INO80D: variants seen among roughly 807,000 people sequenced by gnomAD.
INO80D encodes INO80 complex subunit D.
Under a neutral mutation model 87.6 loss-of-function variants are expected in INO80D, and 21 were observed. That is an observed-to-expected ratio of 0.24 (90% confidence interval 0.17 to 0.35). The LOEUF is 0.35. Ranked by LOEUF, INO80D falls within the 10% of genes least tolerant of loss-of-function variation. INO80D has a pLI of 1.00. For missense variants in INO80D, 982 were observed against 1,280.7 expected, an observed-to-expected ratio of 0.77 and a Z score of 3.56; for synonymous variants, 440 against 491.0, an observed-to-expected ratio of 0.90 and a Z score of 1.37.
intron 1 of INO80D, among the ~76,000 whole-genome samples, chr2:206,077,479 A>T (rs1168415377): frequency 6.6e-6 from 1 of 152,206 alleles, no homozygotes; most frequent in Non-Finnish European, 1.5e-5. Context: ...AATCATTAAA[A>T]ATCTAATATC....
intron 8 of INO80D, among the ~76,000 whole-genome samples, chr2:206,010,062 TAC>T (rs144790541): frequency 6.1e-4 from 91 of 148,720 alleles, no homozygotes; most frequent in East Asian, 1.6e-3. Context: ...TGACACTGTC[TAC>T]ACACACACAC....
intron 1 of INO80D, among the ~76,000 whole-genome samples, chr2:206,074,967 A>AG (rs1690072086): frequency 6.9e-6 from 1 of 144,462 alleles, no homozygotes. Flanking sequence ...TAAACCCAGG[A>AG]GGCAGAGGTT....
Position 206,056,727 on chromosome 2 carries a change from G to A in INO80D, c.435C>T (p.Thr145=), listed in dbSNP as rs818009. 0.77 allele frequency: 1,246,760 copies of A among 1,612,742 alleles called. 484,502 individuals are homozygous for A. The highest frequency in any genetic ancestry group is 0.85 in the South Asian group (77,040 of 90,922). ...TGAAAGCAAATGGGTCTTCCAATTC[G>A]GTTTCCAGGTAGTGGAGAGGGACCC... ...GARVPLHYLE[T]ELEDPFAFNE... is the part of the protein sequence containing the mutation. The change falls in exon 4 of 11, where the codon ACC becomes ACT. Residue 145 remains threonine (T), a synonymous_variant. Coordinates refer to ENST00000403263, the MANE Select transcript of INO80D (RefSeq NM_017759.5).
rs191851783 is a variant in INO80D at position 205,994,682 on chromosome 2, A to T, written c.*9686T>A. On this transcript the variant is annotated 3_prime_UTR_variant, in exon 11 of 11. Transcript: ENST00000403263. ...AACATCTTACAATTTAGGATTGTCCATCTACCTTCCTCTCTCTGCAAGTTC... is the reference window on the plus strand; with the variant it reads ...AACATCTTACAATTTAGGATTGTCCTTCTACCTTCCTCTCTCTGCAAGTTC... 6.6e-6 allele frequency: 1 copy of T among 152,154 alleles called. No individual in the cohort carries two copies. The highest frequency in any genetic ancestry group is 1.5e-5 in the Non-Finnish European group (1 of 68,024). The allele number at this position is 152,154 out of a possible 1,614,324, so 9.4% of individuals were successfully genotyped here.
intron 4 of INO80D, among the ~76,000 whole-genome samples, chr2:206,050,019 G>C (rs1462601063): frequency 6.6e-6 from 1 of 152,034 alleles, no homozygotes; most frequent in East Asian, 1.9e-4. Context: ...TGTAATCCTA[G>C]CTACTCAGGA....
At position 206,031,052 on chromosome 2, in the gene INO80D, T is replaced by C. The variant is rs376424424; in HGVS notation, c.1074-2717A>G. On this transcript the variant is annotated intron_variant, in intron 5 of 10. Transcript: ENST00000403263. The stretch of plus-strand genomic sequence containing the variant: ...GGCAGCAGTTTCCACCAACAAAGAA[T>C]GGGAAGGACAGTAACATCATGTATA... Among the ~76,000 whole-genome samples the C allele has an allele frequency of 9.9e-5, 15 of 151,806 alleles. No homozygotes were observed. The East Asian group carries it at 1.2e-3, about 12-fold the overall frequency.
intron 9 of INO80D, among the ~76,000 whole-genome samples, chr2:206,009,296 G>C (rs981237315): frequency 1.3e-5 from 2 of 152,080 alleles, no homozygotes; most frequent in Non-Finnish European, 2.9e-5. Context: ...GACAGAGCAA[G>C]ACTTGGTCTC....
At chr2:206,025,568 T>TATATATAA (rs3079262) in intron 6 of INO80D, 7 of 126,794 alleles carry the variant, frequency 5.5e-5, no homozygotes, top group East Asian at 2.1e-4. Context: ...TATATATATA[T>TATATATAA]AAAATAACTA....
At chr2:206,043,240 C>T (rs947853777) in intron 5 of INO80D, among the ~76,000 whole-genome samples, 3 of 151,968 alleles carry the variant, frequency 2.0e-5, no homozygotes, top group South Asian at 2.1e-4. Context: ...GGCACAATCT[C>T]GGCTCACTGC....
chr2:206,058,341 C>A (rs1007304304), intron 3 of INO80D, among the ~76,000 whole-genome samples: 1 of 151,044 alleles, frequency 6.6e-6, no homozygotes, highest in Non-Finnish European at 1.5e-5. Context: ...ATGGCGCGAA[C>A]CCCGGAGGCA....
intron 1 of INO80D, among the ~76,000 whole-genome samples, chr2:206,078,246 T>G (rs1358656730): frequency 6.6e-6 from 1 of 151,386 alleles, no homozygotes; most frequent in Non-Finnish European, 1.5e-5. Context: ...GGCGAAACCC[T>G]GTCTCTACTA....
rs1243945402 is a variant in INO80D, at chr2:206,004,364, A to G, written c.*4T>C. The G allele has an allele frequency of 1.9e-6, 3 of 1,581,218 alleles. No homozygotes were observed. The highest frequency in any genetic ancestry group is 1.3e-5 in the African/African-American group (1 of 74,250). On this transcript the variant is annotated 3_prime_UTR_variant, in exon 11 of 11. Coordinates refer to ENST00000403263, the MANE Select transcript of INO80D (RefSeq NM_017759.5). This position sits in a 1 kb window ranked among gnomAD's most constrained non-coding sequence, Gnocchi z 4.9. Reference sequence around the variant, plus strand: ...CCCACCTGCCTGCAAACACACAGACACCCTCAGTTAGGGGAGGGAAAGGGA... The same window carrying G: ...CCCACCTGCCTGCAAACACACAGACGCCCTCAGTTAGGGGAGGGAAAGGGA...
chr2:206,039,823 AAAAAAG>A (rs1688994391), intron 5 of INO80D, among the ~76,000 whole-genome samples: 1 of 151,410 alleles, frequency 6.6e-6, no homozygotes, highest in African/African-American at 2.4e-5. Context: ...AAAAAAAAAA[AAAAAAG>A]AAAGAAAGAA....
chr2:205,999,358 C>G lies in INO80D; in HGVS notation c.*5010G>C, dbSNP rs1202586579. ...TGGAAAGCTGTGCTGCCCTATGGAG[C>G]TCACTGAGAGTTAGATTTTTCTCTT... On this transcript the variant is annotated 3_prime_UTR_variant, in exon 11 of 11. Coordinates refer to ENST00000403263, the MANE Select transcript of INO80D (RefSeq NM_017759.5). 1 of 152,204 alleles carries G rather than the reference C, an allele frequency of 6.6e-6. No individual in the cohort carries two copies. The highest frequency in any genetic ancestry group is 1.5e-5 in the Non-Finnish European group (1 of 68,052). 9.4% of individuals were successfully genotyped at this position (152,204 alleles called of 1,614,324 possible). A position where few individuals can be genotyped will look rare whatever the true frequency, so the allele number is the denominator to read the frequency against.
rs1687800284 is a variant in INO80D, at chr2:205,995,954, A to G, written c.*8414T>C. On this transcript the variant is annotated 3_prime_UTR_variant, in exon 11 of 11. Coordinates refer to ENST00000403263, the MANE Select transcript of INO80D (RefSeq NM_017759.5). Reference sequence around the variant, plus strand: ...ATGGTGAAGTTATGATTAAACTACAAAGCAAATAAAAATATGTAAATGACA... The same window carrying G: ...ATGGTGAAGTTATGATTAAACTACAGAGCAAATAAAAATATGTAAATGACA... 1 of 152,188 alleles carries G rather than the reference A, an allele frequency of 6.6e-6. No homozygotes were observed. Among genetic ancestry groups the G allele is most frequent in the South Asian group, 2.1e-4 (1 of 4,838 alleles). The allele number at this position is 152,188 out of a possible 1,614,324, so 9.4% of individuals were successfully genotyped here.
At chr2:206,007,001 G>A (rs1478948683) in intron 10 of INO80D, among the ~76,000 whole-genome samples, 3 of 152,220 alleles carry the variant, frequency 2.0e-5, no homozygotes, top group Admixed American at 6.5e-5. Context: ...AGCCAAGATC[G>A]TGCCACTGCA....
At chr2:206,050,984 A>C (rs1016685829) in intron 4 of INO80D, among the ~76,000 whole-genome samples, 3 of 151,976 alleles carry the variant, frequency 2.0e-5, no homozygotes, top group African/African-American at 7.2e-5. Flanking sequence ...CAACAACAAA[A>C]ATTTCTTAGA....
chr2:206,059,240 G>C (rs903409521), intron 3 of INO80D, among the ~76,000 whole-genome samples: 4 of 152,002 alleles, frequency 2.6e-5, no homozygotes, highest in African/African-American at 7.3e-5. Context: ...AATTAGCCGG[G>C]TGTGGTGGTG....
intron 5 of INO80D, among the ~76,000 whole-genome samples, chr2:206,028,817 T>C (rs1245098963): frequency 1.3e-5 from 2 of 152,216 alleles, no homozygotes; most frequent in African/African-American, 4.8e-5. Flanking sequence ...ACCACCTTTT[T>C]CTTGCTAACC....
Sources: allele counts gnomAD v4.1 joint callset (sites outside exome capture counted in the v4.1 genomes callset), GRCh38; gene constraint gnomAD v4.1.1; non-coding constraint Gnocchi (gnomAD v3.1); transcripts MANE v1.5; gene names NCBI Gene and HGNC (gene_info 2026-07-23, HGNC 2026-07-21).